The following TMCC2 variants were observed in gnomAD, a reference collection of about 807,000 sequenced individuals.
TMCC2 encodes the protein transmembrane and coiled-coil domains protein 2.
In TMCC2, 16 loss-of-function variants were observed where a neutral mutation model predicts 49.4. The observed-to-expected ratio is 0.32, with a 90% CI of 0.22 to 0.49. The LOEUF (loss-of-function observed/expected upper bound fraction) is 0.49. Ranked by LOEUF, TMCC2 falls within the 20% of genes least tolerant of loss-of-function variation. TMCC2 has a pLI of 0.99. For synonymous variants in TMCC2, 397 were observed against 434.1 expected, an observed-to-expected ratio of 0.91 and a Z score of 1.06; for missense variants, 762 against 989.8, an observed-to-expected ratio of 0.77 and a Z score of 3.09.
Position 205,256,185 on chromosome 1 carries a change from G to A in TMCC2, c.748-12765G>A, listed in dbSNP as rs1660864027. On this transcript the variant is annotated intron_variant, in intron 2 of 4. Transcript: ENST00000358024. ...TCGGCCATCAGTATTTAAGCCTGGA[G>A]TTCCTCACCAGACTCAAGTGGGTGC... 2.1e-6 allele frequency: 3 copies of A among 1,450,784 alleles called. No homozygotes were observed. In the African/African-American group the frequency reaches 4.3e-5, roughly 21 times the overall value. 89.9% of individuals were successfully genotyped at this position (1,450,784 alleles called of 1,614,324 possible).
At chr1:205,229,559 T>TGGGGGGGGGGGGGGG (rs1659706107) in intron 1 of TMCC2, 1 of 189,972 alleles carries the variant, frequency 5.3e-6, no homozygotes, top group Non-Finnish European at 5.8e-6. Context: ...GGGGGGGGGG[T>TGGGGGGGGGGGGGGG]GGTGGCGGGG....
At position 205,251,367 on chromosome 1, in the gene TMCC2, C is replaced by T. The variant is rs1660663121; in HGVS notation, c.747+9323C>T. Among the ~76,000 whole-genome samples the T allele has an allele frequency of 2.6e-5, 4 of 152,186 alleles. No individual in the cohort carries two copies. In the South Asian group the frequency reaches 8.3e-4, roughly 32 times the overall value. ...CCTAGAGGCCTCCTGCCCGCTGCTG[C>T]TTTTGTCCTCTTTGATCCCCCTCCA... On this transcript the variant is annotated intron_variant, in intron 2 of 4. Coordinates refer to ENST00000358024, the MANE Select transcript of TMCC2 (RefSeq NM_014858.4).
intron 1 of TMCC2, among the ~76,000 whole-genome samples, chr1:205,236,118 G>A (rs1271569465): frequency 6.7e-6 from 1 of 149,882 alleles, no homozygotes; most frequent in African/African-American, 2.5e-5. Context: ...AATGACTAAA[G>A]GCTTCCTTAT....
chr1:205,258,940 A>G (rs1252469609), intron 2 of TMCC2, among the ~76,000 whole-genome samples: 1 of 152,212 alleles, frequency 6.6e-6, no homozygotes, highest in African/African-American at 2.4e-5. Flanking sequence ...GTCACGGGGC[A>G]GCAGTCAGCA....
chr1:205,253,859 G>A (rs1395435998), intron 2 of TMCC2, among the ~76,000 whole-genome samples: 3 of 152,316 alleles, frequency 2.0e-5, no homozygotes, highest in Non-Finnish European at 2.9e-5. Flanking sequence ...CATGGTGAGG[G>A]AGCTTCAGGA....
rs116206159 is a variant in TMCC2 at position 205,263,541 on chromosome 1, A to G, written c.748-5409A>G. 9.8e-3 allele frequency among the ~76,000 whole-genome samples: 1,489 copies of G among 152,042 alleles called. 21 individuals are homozygous for G. Among genetic ancestry groups the G allele is most frequent in the African/African-American group, 0.034 (1,399 of 41,438 alleles). Reference sequence around the variant, plus strand: ...CCCTTTCTCTACAAAAAAATACACAAATTAGCCAGGTGTGGTGGCATGTAC... The same window carrying G: ...CCCTTTCTCTACAAAAAAATACACAGATTAGCCAGGTGTGGTGGCATGTAC... On this transcript the variant is annotated intron_variant, in intron 2 of 4. Transcript: ENST00000358024.
intron 2 of TMCC2, among the ~76,000 whole-genome samples, chr1:205,266,888 G>A (rs1661363172): frequency 1.3e-5 from 2 of 152,238 alleles, no homozygotes; most frequent in South Asian, 4.1e-4. Context: ...GACACTGAAG[G>A]TCAGGAAAAT....
At chr1:205,229,233 G>C (rs888438985) in intron 1 of TMCC2, 2 of 773,400 alleles carry the variant, frequency 2.6e-6, no homozygotes, top group Admixed American at 6.1e-5. Flanking sequence ...CTGTCGCCCA[G>C]GCTGGAGTGC....
intron 4 of TMCC2, chr1:205,271,492 T>C (rs914567867): frequency 4.9e-5 from 34 of 691,370 alleles, no homozygotes; most frequent in Non-Finnish European, 6.9e-5. Flanking sequence ...GAGGCCACCA[T>C]GCCCCCCACC....
chr1:205,260,176 A>G (rs1661048015), intron 2 of TMCC2, among the ~76,000 whole-genome samples: 1 of 152,152 alleles, frequency 6.6e-6, no homozygotes, highest in Non-Finnish European at 1.5e-5. Flanking sequence ...TGGCCAGCCT[A>G]TCTCAGGCAG....
In TMCC2 at chr1:205,241,968, C is replaced by G. The variant is rs775807545; in HGVS notation, c.671C>G (p.Thr224Ser). 6.2e-7 allele frequency: 1 copy of G among 1,611,654 alleles called. No homozygotes were observed. Among genetic ancestry groups the G allele is most frequent in the East Asian group, 2.2e-5 (1 of 44,870 alleles). ...HQCRPRSSSTTDTALLLADGS... is the reference protein window; with the variant it reads ...HQCRPRSSSTSDTALLLADGS... ...TGCCGTCCCCGCTCTTCCTCCACCA[C>G]CGACACTGCTCTGCTGCTGGCCGAC... The change falls in exon 2 of 5, where the codon ACC becomes AGC. Residue 224 changes from threonine (T) to serine (S), a missense_variant. This residue lies in a region of TMCC2 where 322 missense variants were observed against 353.1 expected (regional missense o/e 0.91). Transcript: ENST00000358024. This position sits in a 1 kb window ranked among gnomAD's most constrained non-coding sequence, Gnocchi z 7.3.
chr1:205,263,706 C>T (rs1033108719), intron 2 of TMCC2, among the ~76,000 whole-genome samples: 1 of 151,810 alleles, frequency 6.6e-6, no homozygotes, highest in Non-Finnish European at 1.5e-5. Context: ...TCTGACTCAA[C>T]AAAAAACAAA....
chr1:205,239,474 C>T (rs906952743), intron 1 of TMCC2, among the ~76,000 whole-genome samples: 8 of 152,334 alleles, frequency 5.3e-5, no homozygotes, highest in Admixed American at 2.0e-4. Context: ...ATGGTAACTC[C>T]TGTGGGAAAA....
rs1661658167 is a variant in TMCC2 at position 205,272,985 on chromosome 1, G to A, written c.*861G>A. ...TGCCCCATCCTCTCTCTGAAGCCAG[G>A]GCCCTTCCATTCCATTTAGCCTTTG... On this transcript the variant is annotated 3_prime_UTR_variant, in exon 5 of 5. Transcript: ENST00000358024. The A allele has an allele frequency of 6.6e-6, 1 of 152,296 alleles. No homozygotes were observed. The highest frequency in any genetic ancestry group is 1.5e-5 in the Non-Finnish European group (1 of 68,076). 9.4% of individuals were successfully genotyped at this position (152,296 alleles called of 1,614,324 possible).
At chr1:205,260,185 A>G (rs1370119028) in intron 2 of TMCC2, among the ~76,000 whole-genome samples, 1 of 152,120 alleles carries the variant, frequency 6.6e-6, no homozygotes, top group African/African-American at 2.4e-5. Context: ...TATCTCAGGC[A>G]GGTTGGGGTG....
At chr1:205,229,300 T>A (rs1475563928) in intron 1 of TMCC2, among the ~76,000 whole-genome samples, 1 of 151,864 alleles carries the variant, frequency 6.6e-6, no homozygotes, top group African/African-American at 2.4e-5. Context: ...GCGATTCTCC[T>A]GTCTCAGCCT....
Position 205,228,404 on chromosome 1 carries a change from C to T in TMCC2, c.-161C>T, listed in dbSNP as rs1277394231. 1.6e-6 allele frequency: 1 copy of T among 609,622 alleles called. No individual in the cohort carries two copies. Among genetic ancestry groups the T allele is most frequent in the Non-Finnish European group, 2.8e-6 (1 of 359,682 alleles). 37.8% of individuals were successfully genotyped at this position (609,622 alleles called of 1,614,324 possible). A position where few individuals can be genotyped will look rare whatever the true frequency, so the allele number is the denominator to read the frequency against. ...CCCTTCTCGCCCCTCCCTCACCCGC[C>T]TTTAAGAATTTTTTTTTTAATTCAA... On this transcript the variant is annotated 5_prime_UTR_variant, in exon 1 of 5. Coordinates refer to ENST00000358024, the MANE Select transcript of TMCC2 (RefSeq NM_014858.4).
At chr1:205,258,989 C>T (rs544414820) in intron 2 of TMCC2, among the ~76,000 whole-genome samples, 1 of 152,316 alleles carries the variant, frequency 6.6e-6, no homozygotes, top group South Asian at 2.1e-4. Context: ...GGCCTGCCAG[C>T]CCCGGGGCCG....
chr1:205,257,325 A>C, intron 2 of TMCC2: 1 of 1,232,160 alleles, frequency 8.1e-7, no homozygotes, highest in East Asian at 3.2e-5. Flanking sequence ...AGCCCCGGGT[A>C]CCTCATCGCC....
Sources: gnomAD v4.1 joint callset for allele counts (sites outside exome capture counted in the v4.1 genomes callset) on GRCh38, gnomAD v4.1.1 for gene constraint, gnomAD v4.1.1 regional missense constraint, Gnocchi (gnomAD v3.1) non-coding constraint, MANE v1.5 for transcripts, NCBI Gene and HGNC (gene_info 2026-07-23, HGNC 2026-07-21) for gene names.